The following DMXL1 variants were observed in gnomAD, a reference collection of about 807,000 sequenced individuals.
The protein encoded by DMXL1 is Dmx like 1.
DMXL1 carries 99 observed loss-of-function variants against 319.2 expected under a neutral mutation model. That is an observed-to-expected ratio of 0.31 (90% CI 0.26 to 0.37). The LOEUF (loss-of-function observed/expected upper bound fraction) is 0.37. Among genes scored for constraint, DMXL1 ranks in the 10% least tolerant of loss-of-function variants. The probability of loss-of-function intolerance (pLI) is 1.00; values close to 1 mark genes in which losing one functional copy is unlikely to be tolerated. For missense variants in DMXL1, 3,745 were observed against 3,595.6 expected (o/e 1.04, Z -1.06); for synonymous variants, 1,385 against 1,235.2 (o/e 1.12, Z -2.54).
intron 9 of DMXL1, among the ~76,000 whole-genome samples, chr5:119,122,192 C>T (rs559051070): frequency 2.9e-5 from 4 of 136,302 alleles, no homozygotes; most frequent in African/African-American, 8.3e-5. Context: ...AGTGGCTCCT[C>T]ACTTCCCAGT....
chr5:119,109,623 T>A lies in DMXL1; in HGVS notation c.365-528T>A, dbSNP rs949927119. ...ATTCTTGGGAAAATACATAAATTTA[T>A]ATGTCTTCATGCCTTTGTTCATGTT... On this transcript the variant is annotated intron_variant, in intron 4 of 43. Transcript: ENST00000539542. Among the ~76,000 whole-genome samples, 3 of 152,370 alleles carry A rather than the reference T, an allele frequency of 2.0e-5. No individual in the cohort carries two copies. The East Asian group carries it at 5.8e-4, about 29-fold the overall frequency.
rs73242972 is a variant in DMXL1 at position 119,172,108 on chromosome 5, T to G, written c.6681+139T>G. On this transcript the variant is annotated intron_variant, in intron 25 of 43. Transcript: ENST00000539542. Reference sequence around the variant, plus strand: ...GTTACATTGCCAAGTTTATGTTGATTCCTATTAAAGAAATCTTCTGGTTGT... The same window carrying G: ...GTTACATTGCCAAGTTTATGTTGATGCCTATTAAAGAAATCTTCTGGTTGT... The G allele has an allele frequency of 0.011, 8,412 of 763,386 alleles. 574 individuals are homozygous for G. The African/African-American group carries it at 0.14, about 13-fold the overall frequency. The allele number at this position is 763,386 out of a possible 1,614,324, so 47.3% of individuals were successfully genotyped here.
At chr5:119,178,444 C>A in intron 28 of DMXL1, 200 bp downstream of exon 28, 2 of 367,126 alleles carry the variant, frequency 5.4e-6, no homozygotes, top group Non-Finnish European at 7.5e-6. Context: ...ATTCCTGTAC[C>A]AATAATTAGA....
chr5:119,138,614 G>A (rs1046827187), intron 13 of DMXL1, among the ~76,000 whole-genome samples: 3 of 152,114 alleles, frequency 2.0e-5, no homozygotes, highest in African/African-American at 7.2e-5. Flanking sequence ...CGTGGCAGGT[G>A]GATCACTTGA....
intron 4 of DMXL1, among the ~76,000 whole-genome samples, chr5:119,107,640 A>G (rs77117763): frequency 0.04 from 6,024 of 152,242 alleles, 317 homozygotes; most frequent in African/African-American, 0.12. Flanking sequence ...GATTAAGTTT[A>G]TATTCTGTAT....
chr5:119,157,014 GT>G (rs200329608), intron 19 of DMXL1, among the ~76,000 whole-genome samples: 396 of 142,758 alleles, frequency 2.8e-3, no homozygotes, highest in African/African-American at 7.1e-3. Flanking sequence ...ATCCCCTCTG[GT>G]TTTTTTTTTT....
chr5:119,074,399 T>C (rs905877944), intron 1 of DMXL1, among the ~76,000 whole-genome samples: 1 of 152,220 alleles, frequency 6.6e-6, no homozygotes, highest in Admixed American at 6.5e-5. Flanking sequence ...TTTTGGTACT[T>C]TGTGTTTTCT....
At position 119,087,978 on chromosome 5, in the gene DMXL1, T is replaced by A. The variant is rs978155575; in HGVS notation, c.88-10001T>A. 2.0e-5 allele frequency among the ~76,000 whole-genome samples: 3 copies of A among 151,960 alleles called. No individual in the cohort carries two copies. The South Asian group carries it at 6.2e-4, about 32-fold the overall frequency. On this transcript the variant is annotated intron_variant, in intron 1 of 43. Transcript: ENST00000539542. ...CACCATGCCTGGCTAATTTTTGTAT[T>A]TTTAGTAGAGACAGGGTTTCACCAT...
intron 29 of DMXL1, among the ~76,000 whole-genome samples, chr5:119,192,527 C>G (rs534976545): frequency 6.6e-6 from 1 of 152,302 alleles, no homozygotes; most frequent in South Asian, 2.1e-4. Context: ...TTCATACTTA[C>G]TTATATAACT....
intron 9 of DMXL1, among the ~76,000 whole-genome samples, chr5:119,121,928 C>T (rs1261562627): frequency 1.3e-5 from 2 of 148,348 alleles, no homozygotes; most frequent in Non-Finnish European, 3.0e-5. Context: ...CCCCCACCTC[C>T]CTCCCGGACG....
At chr5:119,145,521 GATTATT>G (rs1189205449) in intron 15 of DMXL1, among the ~76,000 whole-genome samples, 1 of 151,602 alleles carries the variant, frequency 6.6e-6, no homozygotes, top group African/African-American at 2.4e-5. Flanking sequence ...TAAGAGATAA[GATTATT>G]TATTGTATAA....
At chr5:119,109,702 AG>A (rs1759151033) in intron 4 of DMXL1, among the ~76,000 whole-genome samples, 1 of 152,208 alleles carries the variant, frequency 6.6e-6, no homozygotes, top group South Asian at 2.1e-4. Flanking sequence ...ATTAAGGACC[AG>A]GTTTCATTTC....
chr5:119,176,960 C>T (rs2150308053), intron 26 of DMXL1, among the ~76,000 whole-genome samples: 1 of 152,162 alleles, frequency 6.6e-6, no homozygotes, highest in Admixed American at 6.5e-5. Flanking sequence ...GGGACAGAGA[C>T]ATTGTTATTC....
chr5:119,100,194 G>A (rs1274089235), intron 2 of DMXL1, among the ~76,000 whole-genome samples: 1 of 151,998 alleles, frequency 6.6e-6, no homozygotes, highest in East Asian at 1.9e-4. Flanking sequence ...TCTTTGGGAA[G>A]CCGAGGCAGG....
chr5:119,235,949 A>G (rs1171019558), intron 39 of DMXL1, among the ~76,000 whole-genome samples: 1 of 152,090 alleles, frequency 6.6e-6, no homozygotes, highest in Admixed American at 6.6e-5. Flanking sequence ...ACCTAGATCT[A>G]CTCCAGAAAA....
chr5:119,156,440 A>G (rs181391037), intron 19 of DMXL1, among the ~76,000 whole-genome samples: 1 of 152,286 alleles, frequency 6.6e-6, no homozygotes, highest in East Asian at 1.9e-4. Context: ...CTGAAATCGA[A>G]CCCATGGTAT....
At chr5:119,139,039 G>A (rs906582274) in intron 13 of DMXL1, 2 of 152,142 alleles carry the variant, frequency 1.3e-5, no homozygotes, top group Admixed American at 6.5e-5. Context: ...TTCATATCTA[G>A]TCAAACTAAG....
At chr5:119,140,485 G>A (rs1368434749) in intron 13 of DMXL1, among the ~76,000 whole-genome samples, 1 of 152,082 alleles carries the variant, frequency 6.6e-6, no homozygotes, top group Non-Finnish European at 1.5e-5. Context: ...GAACACCTCT[G>A]TGCACACAGA....
intron 19 of DMXL1, among the ~76,000 whole-genome samples, chr5:119,157,818 T>C (rs1561752021): frequency 6.6e-6 from 1 of 152,218 alleles, no homozygotes; most frequent in East Asian, 1.9e-4. Flanking sequence ...TTGGTATTCC[T>C]AATGAATTTT....
Sources: gnomAD v4.1 joint callset for allele counts (sites outside exome capture counted in the v4.1 genomes callset) on GRCh38, gnomAD v4.1.1 for gene constraint, MANE v1.5 for transcripts, NCBI Gene and HGNC (gene_info 2026-07-23, HGNC 2026-07-21) for gene names.